Variants in ADGRF5 observed in about 807,000 individuals in gnomAD.
ADGRF5 encodes the protein adhesion G protein-coupled receptor F5.
In ADGRF5, 75 loss-of-function variants were observed where a neutral mutation model predicts 132.3. That is an observed-to-expected ratio of 0.57 (90% CI 0.47 to 0.69). The LOEUF is 0.69. ADGRF5 is among the 30% of genes least tolerant of loss of function. The pLI is 0.00. For missense variants in ADGRF5, 1,516 were observed against 1,630.6 expected (o/e 0.93, Z 1.21); for synonymous variants, 629 against 597.6 (o/e 1.05, Z -0.77).
At chr6:46,894,326 G>A (rs1294179789) in intron 3 of ADGRF5, among the ~76,000 whole-genome samples, 1 of 152,168 alleles carries the variant, frequency 6.6e-6, no homozygotes, top group Non-Finnish European at 1.5e-5. Flanking sequence ...AGAAAGATTT[G>A]TTCACAAAGA....
At chr6:46,871,619 C>A (rs1315789803) in intron 11 of ADGRF5, among the ~76,000 whole-genome samples, 1 of 152,142 alleles carries the variant, frequency 6.6e-6, no homozygotes, top group Admixed American at 6.5e-5. Flanking sequence ...CTGGGAACCA[C>A]TGTGTCCTAC....
intron 1 of ADGRF5, among the ~76,000 whole-genome samples, chr6:46,938,983 G>T (rs1449097574): frequency 6.6e-6 from 1 of 151,530 alleles, no homozygotes; most frequent in Non-Finnish European, 1.5e-5. Flanking sequence ...TGATGTTCCT[G>T]CCTCAGCCTC....
At chr6:46,919,245 G>C (rs1159453743) in intron 1 of ADGRF5, among the ~76,000 whole-genome samples, 1 of 152,088 alleles carries the variant, frequency 6.6e-6, no homozygotes, top group Admixed American at 6.6e-5. Context: ...TAAAAAAAAT[G>C]GGGCTGCAAA....
At chr6:46,880,175 T>A in intron 8 of ADGRF5, 136 bp from the exon 9 acceptor site, 1 of 653,772 alleles carries the variant, frequency 1.5e-6, no homozygotes, top group Non-Finnish European at 2.7e-6. Context: ...AGGCAATGTG[T>A]CTCCTCACTC....
chr6:46,943,864 T>A lies in ADGRF5; in HGVS notation c.-25+10870A>T, dbSNP rs550502220. On this transcript the variant is annotated intron_variant, in intron 1 of 20. Coordinates refer to the ADGRF5 transcript ENST00000265417. The stretch of plus-strand genomic sequence containing the variant: ...AGGATGGTACAAAGCGATACAGAAT[T>A]CTCTTCCAAACTGTAGTCCAGACCA... Among the ~76,000 whole-genome samples, 6 of 152,244 alleles carry A rather than the reference T, an allele frequency of 3.9e-5. No homozygotes were observed. The East Asian group carries it at 1.2e-3, about 29-fold the overall frequency.
At chr6:46,921,422 G>A (rs1179187518) in intron 1 of ADGRF5, among the ~76,000 whole-genome samples, 2 of 110,616 alleles carry the variant, frequency 1.8e-5, no homozygotes, top group Non-Finnish European at 4.4e-5. Context: ...GAGAGAACTT[G>A]TTTGAAAAAA....
upstream of ADGRF5, among the ~76,000 whole-genome samples, chr6:46,922,676 G>A (rs528497724): frequency 2.6e-5 from 4 of 152,318 alleles, no homozygotes; most frequent in African/African-American, 4.8e-5. Flanking sequence ...GTCAGAACAC[G>A]GATGGGGAAT....
At position 46,859,445 on chromosome 6, in the gene ADGRF5, T is replaced by C. The variant is rs374021268; in HGVS notation, c.2458A>G (p.Asn820Asp). ...TWKVLQQQWTNQSSQLLHSVE... is the reference protein window; with the variant it reads ...TWKVLQQQWTDQSSQLLHSVE... ...GAATGTAGTAGCTGTGAACTCTGAT[T>C]GGTCCATTGCTGTTGTAAAACCTTC... The change falls in exon 17 of 21, where the codon AAT becomes GAT. Residue 820 changes from asparagine (N) to aspartate (D), a missense_variant. Physicochemically the swap from Asn to Asp is conservative, Grantham distance 23 (BLOSUM62 1). Coordinates refer to ENST00000283296, the MANE Select transcript of ADGRF5 (RefSeq NM_001098518.2). 1.2e-6 allele frequency: 2 copies of C among 1,613,098 alleles called. No homozygotes were observed. The highest frequency in any genetic ancestry group is 2.7e-5 in the African/African-American group (2 of 74,922).
intron 3 of ADGRF5, among the ~76,000 whole-genome samples, chr6:46,898,992 C>T (rs116767403): frequency 7.1e-4 from 108 of 152,222 alleles, no homozygotes; most frequent in African/African-American, 2.2e-3. Context: ...ATGAGGAGAA[C>T]GCAGGTGAGC....
chr6:46,883,800 G>A (rs1772755561), intron 5 of ADGRF5, 135 bp from the exon 6 acceptor site: 2 of 610,248 alleles, frequency 3.3e-6, no homozygotes, highest in South Asian at 2.1e-5. Context: ...GGAGTGCAAC[G>A]GCACGATCTC....
At chr6:46,945,468 A>G (rs983153488) in intron 1 of ADGRF5, among the ~76,000 whole-genome samples, 1 of 152,112 alleles carries the variant, frequency 6.6e-6, no homozygotes, top group Non-Finnish European at 1.5e-5. Context: ...CTAATGTGCC[A>G]GGTACTGTGC....
intron 8 of ADGRF5, among the ~76,000 whole-genome samples, chr6:46,880,367 A>AG (rs1288465865): frequency 6.6e-6 from 1 of 152,002 alleles, no homozygotes. Flanking sequence ...ATAAAAAAAA[A>AG]ACAAACTTAA....
intron 7 of ADGRF5, 55 bp downstream of exon 7, chr6:46,881,994 C>T: frequency 2.3e-6 from 3 of 1,278,122 alleles, no homozygotes; most frequent in Admixed American, 1.7e-5. Flanking sequence ...ACCTCCTTCA[C>T]TACCATATGG....
chr6:46,919,594 A>G (rs562567550), intron 1 of ADGRF5, among the ~76,000 whole-genome samples: 1 of 152,320 alleles, frequency 6.6e-6, no homozygotes, highest in African/African-American at 2.4e-5. Flanking sequence ...ATCATAGTCA[A>G]TAAACCCACA....
rs1581828129 is a variant in ADGRF5, at chr6:46,881,357, A to G, written c.814+98T>C. The G allele has an allele frequency of 1.9e-5, 19 of 1,021,764 alleles. No homozygotes were observed. The East Asian group carries it at 4.3e-4, about 23-fold the overall frequency. The allele number at this position is 1,021,764 out of a possible 1,614,324, so 63.3% of individuals were successfully genotyped here. A position where few individuals can be genotyped will look rare whatever the true frequency, so the allele number is the denominator to read the frequency against. On this transcript the variant is annotated intron_variant, in intron 8 of 20. Transcript: ENST00000283296. ...CAGAACCCCCTGTGCCAGGAACTGG[A>G]GTGTCTAGCTTCCCAGAGGACATTG... is the stretch of plus-strand genomic sequence containing the variant.
At position 46,858,717 on chromosome 6, in the gene ADGRF5, C is replaced by A. The variant is rs777719137; in HGVS notation, c.3186G>T (p.Leu1062=). 29 of 1,613,972 alleles carry A rather than the reference C, an allele frequency of 1.8e-5. No individual in the cohort carries two copies. Among genetic ancestry groups the A allele is most frequent in the Non-Finnish European group, 2.3e-5 (27 of 1,180,030 alleles). ...TCIVNIAASL[L]VANTWFIVVA... Reference sequence around the variant, plus strand: ...CCACAATGAACCAGGTGTTGGCGACCAGAAGGGAGGCAGCGATATTCACTA... The same window carrying A: ...CCACAATGAACCAGGTGTTGGCGACAAGAAGGGAGGCAGCGATATTCACTA... The change falls in exon 17 of 21, where the codon CTG becomes CTT. Residue 1062 remains leucine (L), a synonymous_variant. Transcript: ENST00000283296.
At chr6:46,869,322 G>T in intron 11 of ADGRF5, 1 of 985,138 alleles carries the variant, frequency 1.0e-6, no homozygotes, top group Non-Finnish European at 1.2e-6. Context: ...TCCATCACAT[G>T]CCTTAGGACC....
At chr6:46,883,513 G>C in intron 6 of ADGRF5, 46 bp downstream of exon 6, 1 of 935,900 alleles carries the variant, frequency 1.1e-6, no homozygotes, top group Middle Eastern at 2.1e-4. Context: ...ACTCAGTTCA[G>C]TCCAAACAGT....
Position 46,948,553 on chromosome 6 carries a change from A to G in ADGRF5, c.-25+6181T>C, listed in dbSNP as rs545666700. Reference sequence around the variant, plus strand: ...ATTGGGGCTGTGTGTACACAGATTTATGGCTTTTTTAAAACAAAATATTCT... The same window carrying G: ...ATTGGGGCTGTGTGTACACAGATTTGTGGCTTTTTTAAAACAAAATATTCT... On this transcript the variant is annotated intron_variant, in intron 1 of 20. Transcript: ENST00000265417. Among the ~76,000 whole-genome samples the G allele has an allele frequency of 6.5e-4, 99 of 151,376 alleles. 1 individual carries two copies. The highest frequency in any genetic ancestry group is 1.3e-3 in the Non-Finnish European group (90 of 67,850).
Sources: gnomAD v4.1 joint callset for allele counts (sites outside exome capture counted in the v4.1 genomes callset) on GRCh38, gnomAD v4.1.1 for gene constraint, MANE v1.5 for transcripts, NCBI Gene and HGNC (gene_info 2026-07-23, HGNC 2026-07-21) for gene names.